The following CCDC141 variants were observed in gnomAD, a reference collection of about 807,000 sequenced individuals.
CCDC141 encodes the protein coiled-coil domain containing 141, also known as coiled-coil domain-containing protein 141.
Under a neutral mutation model 181.0 loss-of-function variants are expected in CCDC141, and 168 were observed. The ratio of observed to expected loss-of-function variants is 0.93; its 90% CI spans 0.82 to 1.05. CCDC141 has a LOEUF of 1.05. Ranked by LOEUF, CCDC141 falls within the 50% of genes least tolerant of loss-of-function variation. The pLI is 0.00. For missense variants in CCDC141, 1,902 were observed against 1,788.5 expected, an observed-to-expected ratio of 1.06 and a Z score of -1.14; for synonymous variants, 666 against 642.3, an observed-to-expected ratio of 1.04 and a Z score of -0.56.
At chr2:178,932,693 A>G (rs1422252091) in intron 6 of CCDC141, among the ~76,000 whole-genome samples, 2 of 152,194 alleles carry the variant, frequency 1.3e-5, no homozygotes, top group African/African-American at 2.4e-5. Context: ...CTATTTCCAT[A>G]TACACCCACA....
rs766547097 is a variant in CCDC141 at position 178,836,881 on chromosome 2, A to T, written c.4325+13T>A. On this transcript the variant is annotated intron_variant, in intron 23 of 23. Transcript: ENST00000443758. ...TTGTTTCCATTTATGGCTTGTCATT[A>T]TAGGCTACCCACCATGTCAGTGTAG... 77 of 1,587,064 alleles carry T rather than the reference A, an allele frequency of 4.9e-5. No homozygotes were observed. The highest frequency in any genetic ancestry group is 6.1e-5 in the Non-Finnish European group (71 of 1,172,728).
At chr2:178,842,274 T>C (rs2154366315) in intron 22 of CCDC141, among the ~76,000 whole-genome samples, 1 of 152,344 alleles carries the variant, frequency 6.6e-6, no homozygotes, top group East Asian at 1.9e-4. Flanking sequence ...GTCTTTTTGT[T>C]GATTCCTTTT....
At position 178,884,944 on chromosome 2, in the gene CCDC141, T is replaced by G; in HGVS notation, c.1676A>C (p.Gln559Pro). ...LFGQSIDYRS[Q>P]VLQTYVAFLK... ...AAATGCCACGTAAGTTTGCAGGACT[T>G]GCGATCTATAGTCAATGCTTTGGCC... Residue 559 changes from glutamine (Q) to proline (P), a missense_variant, in exon 11 of 24, where the codon CAA becomes CCA. Transcript: ENST00000443758. The G allele has an allele frequency of 5.2e-6, 8 of 1,550,420 alleles. No individual in the cohort carries two copies. The highest frequency in any genetic ancestry group is 6.1e-6 in the Non-Finnish European group (7 of 1,146,836).
At chr2:178,857,076 TAAC>T (rs1315081595) in intron 17 of CCDC141, among the ~76,000 whole-genome samples, 1 of 152,258 alleles carries the variant, frequency 6.6e-6, no homozygotes, top group Non-Finnish European at 1.5e-5. Context: ...ACATAAATTT[TAAC>T]AACTCTAGTT....
intron 2 of CCDC141, among the ~76,000 whole-genome samples, chr2:179,040,611 C>A (rs754755494): frequency 6.6e-6 from 1 of 152,112 alleles, no homozygotes; most frequent in African/African-American, 2.4e-5. Context: ...TTCAGCTCCC[C>A]CTTATAAGTG....
At chr2:178,904,231 A>T (rs947403326) in intron 8 of CCDC141, among the ~76,000 whole-genome samples, 5 of 152,202 alleles carry the variant, frequency 3.3e-5, no homozygotes, top group African/African-American at 1.2e-4. Context: ...CAAAGGGGAG[A>T]ATCCCTTGTC....
intron 14 of CCDC141, among the ~76,000 whole-genome samples, chr2:178,869,655 T>C (rs1330797773): frequency 2.6e-5 from 4 of 152,226 alleles, no homozygotes; most frequent in African/African-American, 9.6e-5. Context: ...TTATCTCTGA[T>C]ATTTAATACA....
intron 2 of CCDC141, among the ~76,000 whole-genome samples, chr2:178,981,685 G>T (rs58332678): frequency 0.45 from 34,009 of 75,992 alleles, 5,093 homozygotes; most frequent in East Asian, 0.48. Context: ...TATATATATA[G>T]AGAGAGAGAG....
intron 17 of CCDC141, among the ~76,000 whole-genome samples, chr2:178,863,513 TG>T (rs1431893645): frequency 4.6e-5 from 7 of 152,196 alleles, no homozygotes; most frequent in African/African-American, 1.7e-4. Flanking sequence ...ACGATAATAA[TG>T]TCTAGATAGC....
rs529173516 is a variant in CCDC141 at position 178,896,928 on chromosome 2, C to T, written c.1266-8260G>A. 1.1e-4 allele frequency among the ~76,000 whole-genome samples: 17 copies of T among 152,050 alleles called. No homozygotes were observed. In the South Asian group the frequency reaches 3.5e-3, roughly 32 times the overall value. On this transcript the variant is annotated intron_variant, in intron 8 of 23. Transcript: ENST00000443758. The stretch of plus-strand genomic sequence containing the variant: ...GTCTTTGAGCATAGTGTACCTCCCC[C>T]CTCACTTTGTAGTCTTGTCTGACAC...
chr2:178,964,375 G>A (rs1225605832), intron 4 of CCDC141, among the ~76,000 whole-genome samples: 1 of 152,154 alleles, frequency 6.6e-6, no homozygotes, highest in Admixed American at 6.5e-5. Flanking sequence ...GCAAATGAGA[G>A]GGAGGCACAA....
intron 2 of CCDC141, among the ~76,000 whole-genome samples, chr2:179,032,056 C>G (rs2043014358): frequency 6.6e-6 from 1 of 152,088 alleles, no homozygotes; most frequent in African/African-American, 2.4e-5. Flanking sequence ...AGACTGCTCT[C>G]TCACCTTCTC....
At position 178,869,227 on chromosome 2, in the gene CCDC141, A is replaced by G. The variant is rs1433359293; in HGVS notation, c.2284T>C (p.Ser762Pro). ...TGRGAPVKEKSQQLKDLIHFH... is the reference protein window; with the variant it reads ...TGRGAPVKEKPQQLKDLIHFH... The stretch of plus-strand genomic sequence containing the variant: ...TGAATAAGGTCCTTCAGTTGTTGAG[A>G]CTTTTCTTTTACAGGGGCTCCTCTG... Residue 762 changes from serine (S) to proline (P), a missense_variant, in exon 15 of 24, where the codon TCT becomes CCT. By Grantham distance (74) the Ser-to-Pro change is moderately conservative. Coordinates refer to ENST00000443758, the MANE Select transcript of CCDC141 (RefSeq NM_173648.4). 1 of 1,613,488 alleles carries G rather than the reference A, an allele frequency of 6.2e-7. No individual in the cohort carries two copies. The highest frequency in any genetic ancestry group is 8.5e-7 in the Non-Finnish European group (1 of 1,179,724).
At chr2:178,815,714 CTA>C in the CCDC141 span, among the ~76,000 whole-genome samples, 1 of 152,172 alleles carries the variant, frequency 6.6e-6, no homozygotes, top group Non-Finnish European at 1.5e-5. Context: ...TAAATCATCT[CTA>C]GATTCCTTAT....
At chr2:178,934,738 A>G (rs1041128369) in intron 6 of CCDC141, among the ~76,000 whole-genome samples, 1 of 152,206 alleles carries the variant, frequency 6.6e-6, no homozygotes, top group Non-Finnish European at 1.5e-5. Context: ...TAGACTAACA[A>G]GCCATATACA....
chr2:178,965,277 C>A (rs1414543181), intron 4 of CCDC141, among the ~76,000 whole-genome samples: 1 of 152,150 alleles, frequency 6.6e-6, no homozygotes, highest in Non-Finnish European at 1.5e-5. Flanking sequence ...TAATGGGCCA[C>A]CAGGAATGTA....
chr2:179,015,478 C>CAT (rs1206863451), intron 2 of CCDC141, among the ~76,000 whole-genome samples: 2 of 64,972 alleles, frequency 3.1e-5, no homozygotes, highest in South Asian at 4.8e-4. Context: ...ATATATGTGC[C>CAT]ATATATATCA....
chr2:178,944,116 C>A (rs960370088), intron 6 of CCDC141, among the ~76,000 whole-genome samples: 18 of 152,148 alleles, frequency 1.2e-4, no homozygotes, highest in African/African-American at 4.1e-4. Flanking sequence ...AAACCTAGAA[C>A]TGAATTTCAA....
intron 6 of CCDC141, among the ~76,000 whole-genome samples, chr2:178,934,972 A>G: frequency 6.6e-6 from 1 of 152,208 alleles, no homozygotes; most frequent in Non-Finnish European, 1.5e-5. Flanking sequence ...GACACATAAA[A>G]TTGAATTTCT....
Sources: gnomAD v4.1 joint callset for allele counts (sites outside exome capture counted in the v4.1 genomes callset) on GRCh38, gnomAD v4.1.1 for gene constraint, MANE v1.5 for transcripts, NCBI Gene and HGNC (gene_info 2026-07-23, HGNC 2026-07-21) for gene names.